Variants in MAP7D2 observed in about 807,000 individuals in gnomAD.
MAP7D2 encodes MAP7 domain containing 2.
MAP7D2 carries 33 observed loss-of-function variants against 63.5 expected under a neutral mutation model. That is an observed-to-expected ratio of 0.52 (90% confidence interval 0.39 to 0.70). The LOEUF (loss-of-function observed/expected upper bound fraction) is 0.70, where lower values mean the gene tolerates loss of function less well. Ranked by LOEUF, MAP7D2 falls within the 30% of genes least tolerant of loss-of-function variation. The pLI, the probability that MAP7D2 is intolerant of heterozygous loss-of-function variation, is 0.00. For missense variants in MAP7D2, 626 were observed against 604.0 expected (o/e 1.04, Z -0.38); for synonymous variants, 224 against 223.7 (o/e 1.00, Z -0.01).
intron 1 of MAP7D2, among the ~76,000 whole-genome samples, chrX:20,085,861 G>A (rs1295610794): frequency 3.6e-5 from 4 of 111,301 alleles, no homozygotes; most frequent in Non-Finnish European, 7.6e-5. Context: ...ACAGGCATCC[G>A]CCAACATGCC....
chrX:20,096,409 G>A (rs1341381694), intron 1 of MAP7D2, among the ~76,000 whole-genome samples: 2 of 77,767 alleles, frequency 2.6e-5, no homozygotes, highest in East Asian at 4.0e-4. Flanking sequence ...CAGTCTCCGA[G>A]ACAGAGCAAG....
intron 1 of MAP7D2, among the ~76,000 whole-genome samples, chrX:20,091,954 T>C (rs1417963907): frequency 1.8e-5 from 2 of 111,948 alleles, no homozygotes; most frequent in Non-Finnish European, 3.8e-5. Flanking sequence ...CACAAGAAAT[T>C]ATAATATCTA....
intron 3 of MAP7D2, among the ~76,000 whole-genome samples, chrX:20,060,772 C>A (rs968474165): frequency 5.4e-5 from 6 of 110,831 alleles, no homozygotes; most frequent in Admixed American, 9.5e-5. Flanking sequence ...AACCACCCCA[C>A]CCCTCCCTGG....
intron 1 of MAP7D2, among the ~76,000 whole-genome samples, chrX:20,074,489 G>T (rs951830968): frequency 9.0e-5 from 10 of 111,666 alleles, no homozygotes; most frequent in African/African-American, 2.6e-4. Context: ...TTTTTGTTCG[G>T]AAAGCATCAC....
rs2066912350 is a variant in MAP7D2 at position 20,116,897 on chromosome X, A to G, written c.-18T>C. On this transcript the variant is annotated 5_prime_UTR_variant, in exon 1 of 17. Coordinates refer to ENST00000379643, the MANE Select transcript of MAP7D2 (RefSeq NM_001168465.2). ...CGCTCCATCGGGATGCGCCGGCCGCACAGGCGCACTGCCAAGCCCGCCGCG... is the reference window on the plus strand; with the variant it reads ...CGCTCCATCGGGATGCGCCGGCCGCGCAGGCGCACTGCCAAGCCCGCCGCG... 4.6e-6 allele frequency: 5 copies of G among 1,086,593 alleles called. No homozygotes were observed. The East Asian group carries it at 1.6e-4, about 35-fold the overall frequency. 89.5% of individuals were successfully genotyped at this position (1,086,593 alleles called of 1,213,427 possible). A position where few individuals can be genotyped will look rare whatever the true frequency, so the allele number is the denominator to read the frequency against.
intron 8 of MAP7D2, among the ~76,000 whole-genome samples, chrX:20,033,953 G>A (rs1052689494): frequency 3.6e-5 from 4 of 111,184 alleles, no homozygotes; most frequent in Non-Finnish European, 5.7e-5. Context: ...GGCCGGGCGC[G>A]GTGGCTCACA....
chrX:20,012,318 T>C (rs774609282), intron 15 of MAP7D2, 31 bp downstream of exon 15: 1 of 1,084,945 alleles, frequency 9.2e-7, no homozygotes, highest in Non-Finnish European at 1.2e-6. Flanking sequence ...CGAGAAGTGA[T>C]GAGGCTTAAA....
chrX:20,061,114 T>G (rs1332386445), intron 3 of MAP7D2, among the ~76,000 whole-genome samples: 1 of 57,225 alleles, frequency 1.7e-5, no homozygotes, highest in Admixed American at 2.7e-4. Flanking sequence ...AGACAGAACA[T>G]GACCAAAAAA....
At chrX:20,084,756 A>G (rs1324161393) in intron 1 of MAP7D2, among the ~76,000 whole-genome samples, 2 of 109,855 alleles carry the variant, frequency 1.8e-5, no homozygotes, top group Non-Finnish European at 3.8e-5. Context: ...TTTAATAGAG[A>G]TGGGGTTTTG....
intron 1 of MAP7D2, among the ~76,000 whole-genome samples, chrX:20,084,448 G>A (rs895355131): frequency 9.0e-6 from 1 of 111,243 alleles, no homozygotes; most frequent in African/African-American, 3.3e-5. Flanking sequence ...TTCTTCAATC[G>A]CAGAGAATTA....
At chrX:20,066,878 G>C (rs1363748300) in intron 1 of MAP7D2, among the ~76,000 whole-genome samples, 1 of 111,940 alleles carries the variant, frequency 8.9e-6, no homozygotes, top group East Asian at 2.8e-4. Context: ...ATGCAACTCT[G>C]GGTCTATACA....
chrX:20,012,908 G>A (rs1011691658), intron 14 of MAP7D2, 146 bp downstream of exon 14: 5 of 504,817 alleles, frequency 9.9e-6, no homozygotes, highest in Non-Finnish European at 1.4e-5. Context: ...TCCCTGTGCT[G>A]GAGACACATT....
chrX:20,056,648 G>C (rs1473184451), intron 4 of MAP7D2, 32 bp downstream of exon 4: 1 of 1,138,224 alleles, frequency 8.8e-7, no homozygotes, highest in Non-Finnish European at 1.2e-6. Context: ...TCCCACCCAG[G>C]ACCTGAAATA....
At chrX:20,101,761 C>G in intron 1 of MAP7D2, among the ~76,000 whole-genome samples, 1 of 112,197 alleles carries the variant, frequency 8.9e-6, no homozygotes, top group Non-Finnish European at 1.9e-5. Flanking sequence ...ATAGGTGAAT[C>G]TTGCAGACAT....
intron 1 of MAP7D2, 56 bp downstream of exon 1, chrX:20,116,694 G>C: frequency 9.1e-7 from 1 of 1,097,121 alleles, no homozygotes; most frequent in Non-Finnish European, 1.2e-6. Flanking sequence ...CGCCGGGCCC[G>C]CCCCCCCACA....
intron 1 of MAP7D2, among the ~76,000 whole-genome samples, chrX:20,068,884 T>C (rs755460593): frequency 8.9e-6 from 1 of 111,838 alleles, no homozygotes; most frequent in African/African-American, 3.3e-5. Context: ...TGGTAGTGAA[T>C]AAGTCTCACG....
chrX:20,074,553 T>A (rs1245098237), intron 1 of MAP7D2, among the ~76,000 whole-genome samples: 1 of 111,653 alleles, frequency 9.0e-6, no homozygotes, highest in Non-Finnish European at 1.9e-5. Flanking sequence ...TACAATCCCA[T>A]AAGGTCACTA....
intron 10 of MAP7D2, chrX:20,017,279 G>A (rs1324950118): frequency 8.8e-6 from 1 of 113,245 alleles, no homozygotes; most frequent in Non-Finnish European, 1.9e-5. Context: ...GCCCTAGAAG[G>A]TTCTCAAACG....
chrX:20,078,469 A>G (rs761279508), intron 1 of MAP7D2, among the ~76,000 whole-genome samples: 120 of 112,349 alleles, frequency 1.1e-3, no homozygotes, highest in Non-Finnish European at 1.9e-3. Context: ...AGAGACCTAG[A>G]TATCTAGAAA....
Sources: gnomAD v4.1 joint callset for allele counts (sites outside exome capture counted in the v4.1 genomes callset) on GRCh38, gnomAD v4.1.1 for gene constraint, MANE v1.5 for transcripts, NCBI Gene and HGNC (gene_info 2026-07-23, HGNC 2026-07-21) for gene names.